CSMD1: variants seen among roughly 807,000 people sequenced by gnomAD.
CSMD1 encodes the protein CUB and sushi domain-containing protein 1.
A neutral mutation model predicts 417.5 loss-of-function variants in CSMD1; 213 were observed. That is an observed-to-expected ratio of 0.51 (90% CI 0.46 to 0.57). CSMD1 has a LOEUF of 0.57. Among genes scored for constraint, CSMD1 ranks in the 20% least tolerant of loss-of-function variants. The pLI, the probability that CSMD1 is intolerant of heterozygous loss-of-function variation, is 0.00. For synonymous variants in CSMD1, 2,862 were observed against 1,736.8 expected (o/e 1.65, Z -16.11); for missense variants, 6,923 against 4,529.7 (o/e 1.53, Z -15.17).
intron 5 of CSMD1, among the ~76,000 whole-genome samples, chr8:3,776,627 C>A (rs969591154): frequency 6.6e-6 from 1 of 152,084 alleles, no homozygotes; most frequent in South Asian, 2.1e-4. Flanking sequence ...GACTCCATAT[C>A]CAGCCATCAC....
chr8:4,440,902 C>A (rs1798430085), intron 2 of CSMD1, among the ~76,000 whole-genome samples: 1 of 151,164 alleles, frequency 6.6e-6, no homozygotes, highest in Admixed American at 6.6e-5. Flanking sequence ...GAGACTGAGG[C>A]ATGAGAATCA....
At chr8:4,411,922 A>T (rs561521144) in intron 3 of CSMD1, among the ~76,000 whole-genome samples, 2 of 152,190 alleles carry the variant, frequency 1.3e-5, no homozygotes, top group African/African-American at 4.8e-5. Flanking sequence ...TAGGACTAAA[A>T]GGAATTATTT....
intron 3 of CSMD1, among the ~76,000 whole-genome samples, chr8:4,078,464 C>T (rs565162512): frequency 2.3e-4 from 35 of 151,746 alleles, no homozygotes; most frequent in African/African-American, 8.0e-4. Flanking sequence ...ACAGGTGCCA[C>T]CATGTTAGCC....
chr8:4,979,936 G>C (rs1404266925), intron 1 of CSMD1, among the ~76,000 whole-genome samples: 1 of 152,142 alleles, frequency 6.6e-6, no homozygotes, highest in Non-Finnish European at 1.5e-5. Context: ...TACTGGGGAG[G>C]CTGAGGCAGG....
intron 64 of CSMD1, among the ~76,000 whole-genome samples, chr8:2,955,343 T>C (rs540226400): frequency 6.6e-6 from 1 of 152,334 alleles, no homozygotes; most frequent in South Asian, 2.1e-4. Flanking sequence ...ATGCAATCAT[T>C]TTATTATGTA....
At chr8:4,415,983 T>C (rs1172697438) in intron 3 of CSMD1, among the ~76,000 whole-genome samples, 1 of 152,206 alleles carries the variant, frequency 6.6e-6, no homozygotes, top group Non-Finnish European at 1.5e-5. Flanking sequence ...GTACTGCAGT[T>C]AACTACTTCA....
intron 2 of CSMD1, among the ~76,000 whole-genome samples, chr8:4,626,508 C>T (rs186149724): frequency 1.3e-5 from 2 of 152,120 alleles, no homozygotes; most frequent in East Asian, 1.9e-4. Context: ...CTGAAAATCA[C>T]GTTGAGAGAA....
intron 2 of CSMD1, among the ~76,000 whole-genome samples, chr8:4,573,539 C>T (rs1036924869): frequency 6.6e-6 from 1 of 152,130 alleles, no homozygotes; most frequent in Admixed American, 6.5e-5. Context: ...CGGAGCTCTC[C>T]TGTATGAGAT....
intron 17 of CSMD1, 61 bp downstream of exon 17, chr8:3,396,133 A>T: frequency 7.0e-7 from 1 of 1,424,360 alleles, no homozygotes; most frequent in South Asian, 1.2e-5. Flanking sequence ...ATAAGAACCC[A>T]GATCTTTAGT....
At chr8:2,973,464 C>A (rs1326359344) in intron 56 of CSMD1, among the ~76,000 whole-genome samples, 165 bp from the exon 57 acceptor site, 2 of 152,124 alleles carry the variant, frequency 1.3e-5, no homozygotes, top group African/African-American at 2.4e-5. Context: ...TTTGTGATAG[C>A]CCCAAAATGA....
chr8:4,332,691 T>C (rs1799942240), intron 3 of CSMD1, among the ~76,000 whole-genome samples: 1 of 151,786 alleles, frequency 6.6e-6, no homozygotes. Context: ...TGGGGGAATA[T>C]TAAATTACAT....
chr8:4,738,298 C>T (rs921177217), intron 1 of CSMD1, among the ~76,000 whole-genome samples: 1 of 152,260 alleles, frequency 6.6e-6, no homozygotes, highest in African/African-American at 2.4e-5. Flanking sequence ...GGGTTATTTA[C>T]AGAGGAAACA....
intron 4 of CSMD1, among the ~76,000 whole-genome samples, chr8:4,001,579 G>C (rs760986196): frequency 1.1e-4 from 17 of 152,188 alleles, no homozygotes; most frequent in Admixed American, 5.9e-4. Context: ...TAAAATGCCA[G>C]TGGCTGAGCT....
chr8:4,582,878 T>G (rs1025471301), intron 2 of CSMD1, among the ~76,000 whole-genome samples: 1 of 152,160 alleles, frequency 6.6e-6, no homozygotes, highest in East Asian at 1.9e-4. Context: ...GCGGGCCAGC[T>G]GGAGTTCCGG....
intron 26 of CSMD1, among the ~76,000 whole-genome samples, chr8:3,277,403 G>A (rs893893655): frequency 8.5e-5 from 13 of 152,160 alleles, no homozygotes; most frequent in African/African-American, 2.9e-4. Flanking sequence ...GAGCAAGGCA[G>A]GGCAGCTCAG....
intron 5 of CSMD1, among the ~76,000 whole-genome samples, chr8:3,983,158 T>A (rs143448070): frequency 7.8e-6 from 1 of 127,590 alleles, no homozygotes; most frequent in Non-Finnish European, 1.8e-5. Flanking sequence ...TGAGACGGAC[T>A]CTCGCTCTGT....
At chr8:4,014,066 AAAC>A (rs1796404415) in intron 4 of CSMD1, among the ~76,000 whole-genome samples, 2 of 152,354 alleles carry the variant, frequency 1.3e-5, no homozygotes, top group South Asian at 4.1e-4. Flanking sequence ...AAGGCAATAA[AAAC>A]AACTTTTGAG....
chr8:3,069,774 A>C (rs75661664), intron 49 of CSMD1, among the ~76,000 whole-genome samples: 5,133 of 152,270 alleles, frequency 0.034, 297 homozygotes, highest in African/African-American at 0.12. Flanking sequence ...GCCCCATTGG[A>C]GACTCTGCAT....
intron 49 of CSMD1, among the ~76,000 whole-genome samples, chr8:3,075,280 CTTTT>C (rs567862698): frequency 7.6e-5 from 3 of 39,382 alleles, no homozygotes; most frequent in Admixed American, 2.8e-4. Flanking sequence ...TTCTTTCTTT[CTTTT>C]TTTTTTTTTT....
Sources: allele counts gnomAD v4.1 joint callset (sites outside exome capture counted in the v4.1 genomes callset), GRCh38; gene constraint gnomAD v4.1.1; transcripts MANE v1.5; gene names NCBI Gene and HGNC (gene_info 2026-07-23, HGNC 2026-07-21).